TRPC6: variants seen among roughly 807,000 people sequenced by gnomAD.
TRPC6 encodes the protein transient receptor potential cation channel subfamily C member 6.
TRPC6 carries 55 observed loss-of-function variants against 90.7 expected under a neutral mutation model. That is an observed-to-expected ratio of 0.61 (90% CI 0.49 to 0.76). TRPC6 has a LOEUF of 0.76. TRPC6 is among the 30% of genes least tolerant of loss of function. The pLI, the probability that TRPC6 is intolerant of heterozygous loss-of-function variation, is 0.00. For missense variants in TRPC6, 989 were observed against 1,122.7 expected, an observed-to-expected ratio of 0.88 and a Z score of 1.70; for synonymous variants, 393 against 393.0, an observed-to-expected ratio of 1.00 and a Z score of 0.00.
At chr11:101,494,710 C>T (rs1859903969) in intron 2 of TRPC6, among the ~76,000 whole-genome samples, 1 of 152,080 alleles carries the variant, frequency 6.6e-6, no homozygotes, top group Non-Finnish European at 1.5e-5. Flanking sequence ...AAGCAGAACC[C>T]ACATGGACTG....
Position 101,583,532 on chromosome 11 carries a change from C to G in TRPC6, c.-29G>C, listed in dbSNP as rs533374440. On this transcript the variant is annotated 5_prime_UTR_variant, in exon 1 of 13. Coordinates refer to ENST00000344327, the MANE Select transcript of TRPC6 (RefSeq NM_004621.6). Reference sequence around the variant, plus strand: ...GGGAACGCCCGACTGGCCTGGGCCCCGCTCCCGGGGGAGCCGAGTGGGCAG... The same window carrying G: ...GGGAACGCCCGACTGGCCTGGGCCCGGCTCCCGGGGGAGCCGAGTGGGCAG... 72 of 1,424,890 alleles carry G rather than the reference C, an allele frequency of 5.1e-5. No homozygotes were observed. The highest frequency in any genetic ancestry group is 2.4e-4 in the Middle Eastern group (1 of 4,198). 88.3% of individuals were successfully genotyped at this position (1,424,890 alleles called of 1,614,324 possible). A position where few individuals can be genotyped will look rare whatever the true frequency, so the allele number is the denominator to read the frequency against.
chr11:101,505,056 T>G (rs1860227075), intron 1 of TRPC6, among the ~76,000 whole-genome samples: 1 of 152,226 alleles, frequency 6.6e-6, no homozygotes. Flanking sequence ...AATTACTCTG[T>G]GCCATTCAGA....
chr11:101,479,238 C>G (rs1859491549), intron 5 of TRPC6, among the ~76,000 whole-genome samples: 1 of 152,234 alleles, frequency 6.6e-6, no homozygotes, highest in Non-Finnish European at 1.5e-5. Context: ...GTAATTACTG[C>G]CTGGACTGCC....
intron 1 of TRPC6, among the ~76,000 whole-genome samples, chr11:101,557,250 G>A (rs966285379): frequency 6.6e-6 from 1 of 152,094 alleles, no homozygotes; most frequent in Non-Finnish European, 1.5e-5. Flanking sequence ...AGCTACCCGG[G>A]TGGCTAAGAA....
At chr11:101,544,476 A>G (rs968698060) in intron 1 of TRPC6, among the ~76,000 whole-genome samples, 3 of 152,220 alleles carry the variant, frequency 2.0e-5, no homozygotes, top group African/African-American at 7.2e-5. Flanking sequence ...ACCTGGAACC[A>G]ACCCAAATAC....
chr11:101,529,664 A>C (rs543753291), intron 1 of TRPC6, among the ~76,000 whole-genome samples: 23 of 152,360 alleles, frequency 1.5e-4, no homozygotes, highest in Admixed American at 1.3e-3. Context: ...GCCAGGTACA[A>C]TTTTAAACAT....
At chr11:101,574,349 C>A (rs1862030231) in intron 1 of TRPC6, among the ~76,000 whole-genome samples, 1 of 150,970 alleles carries the variant, frequency 6.6e-6, no homozygotes, top group Non-Finnish European at 1.5e-5. Context: ...GTATAAAGAA[C>A]TGTTTTAAGA....
chr11:101,530,835 T>C (rs1860896697), intron 1 of TRPC6, among the ~76,000 whole-genome samples: 1 of 151,990 alleles, frequency 6.6e-6, no homozygotes, highest in Non-Finnish European at 1.5e-5. Context: ...AGATATTTAA[T>C]AAATAAATAG....
At chr11:101,548,288 T>A (rs1240815193) in intron 1 of TRPC6, among the ~76,000 whole-genome samples, 1 of 126,872 alleles carries the variant, frequency 7.9e-6, no homozygotes, top group East Asian at 2.1e-4. Context: ...ATATATATAA[T>A]TATATATAAT....
chr11:101,571,445 C>G lies in TRPC6; in HGVS notation c.170+11889G>C, dbSNP rs150802566. ...ATATTGTGAAAATGGCCATACTACC[C>G]AAAGTAATTCATAGATTCAATGCTA... On this transcript the variant is annotated intron_variant, in intron 1 of 12. Coordinates refer to ENST00000344327, the MANE Select transcript of TRPC6 (RefSeq NM_004621.6). Among the ~76,000 whole-genome samples the G allele has an allele frequency of 3.9e-3, 592 of 152,242 alleles. 3 individuals are homozygous for G. Among genetic ancestry groups the G allele is most frequent in the Middle Eastern group, 0.014 (4 of 294 alleles).
At chr11:101,540,954 C>A (rs975739903) in intron 1 of TRPC6, among the ~76,000 whole-genome samples, 1 of 152,146 alleles carries the variant, frequency 6.6e-6, no homozygotes, top group Admixed American at 6.5e-5. Context: ...AACTTTTTAA[C>A]TTAAAAGAGT....
rs368568466 is a variant in TRPC6 at position 101,565,098 on chromosome 11, T to G, written c.170+18236A>C. ...AGATTAAAGACCTAAACATAAGATC[T>G]TTCCCTAGAAGAACACATAGGAAAA... On this transcript the variant is annotated intron_variant, in intron 1 of 12. Coordinates refer to ENST00000344327, the MANE Select transcript of TRPC6 (RefSeq NM_004621.6). Among the ~76,000 whole-genome samples, 192 of 152,180 alleles carry G rather than the reference T, an allele frequency of 1.3e-3. 4 individuals carry two copies. The highest frequency in any genetic ancestry group is 6.8e-3 in the Middle Eastern group (2 of 294).
rs147274609 is a variant in TRPC6, at chr11:101,457,431, G to A, written c.2485-2330C>T. Among the ~76,000 whole-genome samples, 372 of 151,982 alleles carry A rather than the reference G, an allele frequency of 2.4e-3. 2 individuals carry two copies. The highest frequency in any genetic ancestry group is 8.4e-3 in the African/African-American group (347 of 41,458). On this transcript the variant is annotated intron_variant, in intron 10 of 12. Coordinates refer to ENST00000344327, the MANE Select transcript of TRPC6 (RefSeq NM_004621.6). ...AATACTAATAACTTGTTTCTAATTC[G>A]TTAAAAAGAACAAGTAATTTTAAGT... is the stretch of plus-strand genomic sequence containing the variant.
intron 1 of TRPC6, among the ~76,000 whole-genome samples, chr11:101,580,961 T>C (rs1193540377): frequency 1.3e-5 from 2 of 152,224 alleles, no homozygotes; most frequent in East Asian, 3.8e-4. Flanking sequence ...TGTTTCTTGG[T>C]TAAAATTTTT....
intron 10 of TRPC6, among the ~76,000 whole-genome samples, chr11:101,462,564 T>C (rs1203127589): frequency 1.3e-5 from 2 of 152,182 alleles, no homozygotes; most frequent in Non-Finnish European, 2.9e-5. Context: ...TTTATTCTCT[T>C]TGTAGCAATT....
chr11:101,561,093 T>C (rs1423496879), intron 1 of TRPC6, among the ~76,000 whole-genome samples: 1 of 80,724 alleles, frequency 1.2e-5, no homozygotes, highest in Non-Finnish European at 2.4e-5. Flanking sequence ...ATATTCACAA[T>C]GATCAGATTG....
intron 2 of TRPC6, among the ~76,000 whole-genome samples, chr11:101,499,417 A>G (rs1364200374): frequency 6.6e-6 from 1 of 151,762 alleles, no homozygotes; most frequent in Non-Finnish European, 1.5e-5. Flanking sequence ...ATAGTTATCA[A>G]ATCATATCTA....
At chr11:101,518,977 G>A (rs543147847) in intron 1 of TRPC6, among the ~76,000 whole-genome samples, 1 of 152,286 alleles carries the variant, frequency 6.6e-6, no homozygotes, top group African/African-American at 2.4e-5. Flanking sequence ...TCATCTGTGG[G>A]AGCTAAAAAT....
At chr11:101,550,953 T>C (rs1861436506) in intron 1 of TRPC6, among the ~76,000 whole-genome samples, 1 of 151,768 alleles carries the variant, frequency 6.6e-6, no homozygotes, top group Non-Finnish European at 1.5e-5. Flanking sequence ...TTGAACCATG[T>C]GATTGAATAA....
Sources: allele counts gnomAD v4.1 joint callset (sites outside exome capture counted in the v4.1 genomes callset), GRCh38; gene constraint gnomAD v4.1.1; transcripts MANE v1.5; gene names NCBI Gene and HGNC (gene_info 2026-07-23, HGNC 2026-07-21).